The following EHF variants were observed in gnomAD, a reference collection of about 807,000 sequenced individuals.
EHF encodes the protein ESE3 transcription factor.
EHF carries 14 observed loss-of-function variants against 45.1 expected under a neutral mutation model. The observed-to-expected ratio is 0.31, with a 90% CI of 0.21 to 0.49. EHF has a LOEUF of 0.49. Among genes scored for constraint, EHF ranks in the 20% least tolerant of loss-of-function variants. EHF has a pLI of 0.99. For synonymous variants in EHF, 136 were observed against 131.8 expected, an observed-to-expected ratio of 1.03 and a Z score of -0.22; for missense variants, 282 against 371.4, an observed-to-expected ratio of 0.76 and a Z score of 1.98.
intron 1 of EHF, among the ~76,000 whole-genome samples, chr11:34,630,564 A>C (rs1166862947): frequency 6.6e-6 from 1 of 152,034 alleles, no homozygotes; most frequent in Non-Finnish European, 1.5e-5. Context: ...TCCTAGGAGG[A>C]AACTTGACTC....
chr11:34,636,797 C>T (rs571648129), intron 1 of EHF, among the ~76,000 whole-genome samples: 22 of 152,290 alleles, frequency 1.4e-4, no homozygotes, highest in Middle Eastern at 3.4e-3. Context: ...CTTTGGGAGG[C>T]CAAGGCAGGC....
chr11:34,627,889 A>G (rs1005530912), intron 1 of EHF, among the ~76,000 whole-genome samples: 1 of 152,224 alleles, frequency 6.6e-6, no homozygotes, highest in African/African-American at 2.4e-5. Context: ...GTCTTATTAC[A>G]CCTATTACAT....
chr11:34,652,370 A>G (rs1855253853), intron 6 of EHF, among the ~76,000 whole-genome samples: 1 of 152,222 alleles, frequency 6.6e-6, no homozygotes, highest in South Asian at 2.1e-4. Flanking sequence ...TTTATGAGTT[A>G]CGTTCACTTT....
Position 34,621,380 on chromosome 11 carries a change from A to G in EHF, c.-4+152A>G, listed in dbSNP as rs370779781. 2.6e-5 allele frequency among the ~76,000 whole-genome samples: 4 copies of G among 152,344 alleles called. No homozygotes were observed. The East Asian group carries it at 5.8e-4, about 22-fold the overall frequency. ...AGCTCACCTTACCTGGGCTTACCTCACTGGGTCAAATCAGAATTTTATTTT... is the reference window on the plus strand; with the variant it reads ...AGCTCACCTTACCTGGGCTTACCTCGCTGGGTCAAATCAGAATTTTATTTT... On this transcript the variant is annotated intron_variant, in intron 1 of 8. Coordinates refer to ENST00000257831, the MANE Select transcript of EHF (RefSeq NM_012153.6).
intron 1 of EHF, among the ~76,000 whole-genome samples, chr11:34,627,125 T>C (rs888963401): frequency 3.8e-4 from 57 of 151,704 alleles, no homozygotes; most frequent in African/African-American, 1.3e-3. Context: ...TGTGTGTGTG[T>C]GTGTGTGTGT....
At position 34,646,370 on chromosome 11, in the gene EHF, A is replaced by T; in HGVS notation, c.98-69A>T. On this transcript the variant is annotated intron_variant, in intron 2 of 8. Transcript: ENST00000257831. ...TGAGATATCTGGCAGCCAACAGTAC[A>T]TCCCTGTGTCAGATACTATGGCCAG... The T allele has an allele frequency of 1.9e-6, 3 of 1,598,852 alleles. No individual in the cohort carries two copies. The South Asian group carries it at 3.4e-5, about 18-fold the overall frequency.
intron 1 of EHF, among the ~76,000 whole-genome samples, chr11:34,641,582 A>G (rs1854001887): frequency 6.6e-6 from 1 of 152,130 alleles, no homozygotes; most frequent in African/African-American, 2.4e-5. Flanking sequence ...GCTGCTATAA[A>G]GCTGAATTCC....
At chr11:34,644,097 C>A (rs1319665569) in intron 2 of EHF, among the ~76,000 whole-genome samples, 1 of 152,142 alleles carries the variant, frequency 6.6e-6, no homozygotes, top group African/African-American at 2.4e-5. Context: ...CAGCTTCAGA[C>A]AAAAATCCCT....
intron 2 of EHF, 129 bp downstream of exon 2, chr11:34,642,856 G>T: frequency 1.4e-6 from 1 of 714,090 alleles, no homozygotes; most frequent in South Asian, 1.9e-5. Flanking sequence ...AAGGAATGGA[G>T]AAAACTCAGT....
chr11:34,632,982 T>C (rs1212185190), intron 1 of EHF, among the ~76,000 whole-genome samples: 1 of 152,212 alleles, frequency 6.6e-6, no homozygotes, highest in Non-Finnish European at 1.5e-5. Flanking sequence ...GAGAGACTAA[T>C]TGTCTTCTGT....
Position 34,649,035 on chromosome 11 carries a change from C to T in EHF, c.360C>T (p.Asp120=), listed in dbSNP as rs1590514283. The change falls in exon 4 of 9, where the codon GAC becomes GAT. Residue 120 remains aspartate, a synonymous_variant. Coordinates refer to ENST00000257831, the MANE Select transcript of EHF (RefSeq NM_012153.6). The part of the protein sequence containing the change: ...HLKWNGQCSS[D]LFQSTHNVIV... ...CCTTCACAGGCCAGTGCAGTAGTGA[C>T]CTGTTCCAGTCCACACACAATGTCA... The T allele has an allele frequency of 6.2e-7, 1 of 1,613,990 alleles. No individual in the cohort carries two copies. Among genetic ancestry groups the T allele is most frequent in the Non-Finnish European group, 8.5e-7 (1 of 1,179,914 alleles).
intron 6 of EHF, 120 bp from the exon 7 acceptor site, chr11:34,656,788 T>C (rs1766597758): frequency 8.9e-7 from 1 of 1,125,838 alleles, no homozygotes; most frequent in Non-Finnish European, 1.3e-6. Context: ...TAGCACATAC[T>C]CAAAGGTGCC....
intron 1 of EHF, among the ~76,000 whole-genome samples, chr11:34,623,066 A>C (rs1377030285): frequency 6.6e-6 from 1 of 151,888 alleles, no homozygotes; most frequent in East Asian, 1.9e-4. Context: ...GTTAAAAAGC[A>C]CCTATTTGTT....
chr11:34,651,586 G>T lies in EHF; in HGVS notation c.451G>T (p.Asp151Tyr). 1 of 1,613,950 alleles carries T rather than the reference G, an allele frequency of 6.2e-7. No homozygotes were observed. The highest frequency in any genetic ancestry group is 1.1e-5 in the South Asian group (1 of 91,068). The change falls in exon 5 of 9, where the codon GAC (aspartate) becomes TAC (tyrosine). Residue 151 changes from aspartate to tyrosine, a missense_variant. By Grantham distance (160) the Asp-to-Tyr change is radical. Transcript: ENST00000257831. The stretch of plus-strand genomic sequence containing the variant: ...CTGGAAAGACGAGAACTATTTATAT[G>T]ACACCAACTATGGTAGCACAGTAGG... ...NTWKDENYLY[D>Y]TNYGSTVDLL...
chr11:34,657,789 C>T (rs1012768475), intron 7 of EHF, among the ~76,000 whole-genome samples: 1 of 135,802 alleles, frequency 7.4e-6, no homozygotes, highest in African/African-American at 2.8e-5. Flanking sequence ...TATCCTGTCT[C>T]AGAAAAAAAA....
intron 1 of EHF, among the ~76,000 whole-genome samples, chr11:34,622,668 T>C (rs1852063430): frequency 6.6e-6 from 1 of 152,184 alleles, no homozygotes; most frequent in Admixed American, 6.5e-5. Context: ...GACCTAAAAT[T>C]CTGGGATGAT....
chr11:34,636,978 G>GA lies in EHF; in HGVS notation c.-3-5649dup, dbSNP rs537555560. 8.2e-5 allele frequency among the ~76,000 whole-genome samples: 12 copies of GA among 146,332 alleles called. No homozygotes were observed. The South Asian group carries it at 2.6e-3, about 32-fold the overall frequency. On this transcript the variant is annotated intron_variant, in intron 1 of 8. Coordinates refer to ENST00000257831, the MANE Select transcript of EHF (RefSeq NM_012153.6). ...TGGGAGGTGGAGGTTGTGGTGAGCC[G>GA]AGATTGCGCCATTGCACTCCATTCT...
intron 2 of EHF, among the ~76,000 whole-genome samples, chr11:34,643,597 C>T (rs967434211): frequency 1.3e-5 from 2 of 152,222 alleles, no homozygotes; most frequent in African/African-American, 4.8e-5. Flanking sequence ...AGTTATTCTG[C>T]AGCGAGTGCT....
chr11:34,642,540 T>C, intron 1 of EHF, 88 bp from the exon 2 acceptor site: 1 of 831,402 alleles, frequency 1.2e-6, no homozygotes, highest in Non-Finnish European at 2.0e-6. Context: ...CTCTTTATTT[T>C]CTTCCTAAAT....
Sources: gnomAD v4.1 joint callset for allele counts (sites outside exome capture counted in the v4.1 genomes callset) on GRCh38, gnomAD v4.1.1 for gene constraint, MANE v1.5 for transcripts, NCBI Gene and HGNC (gene_info 2026-07-23, HGNC 2026-07-21) for gene names.